The following AGTPBP1 variants were observed in gnomAD, a reference collection of about 807,000 sequenced individuals.
AGTPBP1 encodes ATP/GTP binding carboxypeptidase 1.
A neutral mutation model predicts 143.9 loss-of-function variants in AGTPBP1; 70 were observed. The observed-to-expected ratio is 0.49, with a 90% CI of 0.40 to 0.59. The LOEUF (loss-of-function observed/expected upper bound fraction) is 0.59. Ranked by LOEUF, AGTPBP1 falls within the 20% of genes least tolerant of loss-of-function variation. AGTPBP1 has a pLI of 0.00. For synonymous variants in AGTPBP1, 463 were observed against 500.2 expected (o/e 0.93, Z 0.99); for missense variants, 1,229 against 1,464.5 (o/e 0.84, Z 2.62).
the AGTPBP1 span, among the ~76,000 whole-genome samples, chr9:85,791,857 C>T: frequency 6.6e-6 from 1 of 151,344 alleles, no homozygotes; most frequent in South Asian, 2.1e-4. Flanking sequence ...CATCCTAGAT[C>T]GAATTTGAAT....
At chr9:85,683,254 T>C (rs574515377) in intron 3 of AGTPBP1, among the ~76,000 whole-genome samples, 2 of 152,328 alleles carry the variant, frequency 1.3e-5, no homozygotes, top group Non-Finnish European at 2.9e-5. Flanking sequence ...CTTCTGATAA[T>C]GCAACCTATC....
At chr9:85,729,116 G>A (rs547642424) in intron 1 of AGTPBP1, among the ~76,000 whole-genome samples, 123 of 152,234 alleles carry the variant, frequency 8.1e-4, no homozygotes, top group African/African-American at 2.7e-3. Flanking sequence ...ATGGCCAATC[G>A]ATTTTTGACA....
Position 85,547,075 on chromosome 9 carries a change from T to C in AGTPBP1, c.*34A>G. On this transcript the variant is annotated 3_prime_UTR_variant, in exon 26 of 26. Coordinates refer to ENST00000357081, the MANE Select transcript of AGTPBP1 (RefSeq NM_001330701.2). ...GAAATAAAAACCAAGATATTTCATT[T>C]ATTCTTTGCAGTTAACAAGAGATGG... is the stretch of plus-strand genomic sequence containing the variant. 6.5e-7 allele frequency: 1 copy of C among 1,537,626 alleles called. No homozygotes were observed. The highest frequency in any genetic ancestry group is 8.7e-7 in the Non-Finnish European group (1 of 1,144,772).
At chr9:85,712,072 T>C (rs1178418791) in intron 2 of AGTPBP1, among the ~76,000 whole-genome samples, 1 of 152,114 alleles carries the variant, frequency 6.6e-6, no homozygotes, top group African/African-American at 2.4e-5. Context: ...GAGACCAGCC[T>C]GGACAACATA....
intron 6 of AGTPBP1, among the ~76,000 whole-genome samples, chr9:85,675,136 T>C (rs1489546676): frequency 6.6e-6 from 1 of 152,122 alleles, no homozygotes; most frequent in Non-Finnish European, 1.5e-5. Flanking sequence ...GACCTCGTGA[T>C]CTGCCCACCT....
intron 9 of AGTPBP1, among the ~76,000 whole-genome samples, chr9:85,658,021 G>A (rs1833637163): frequency 6.6e-6 from 1 of 152,028 alleles, no homozygotes. Flanking sequence ...CTTGCTAGTT[G>A]TGAATGTGAT....
At chr9:85,772,338 C>G in the AGTPBP1 span, among the ~76,000 whole-genome samples, 1 of 152,058 alleles carries the variant, frequency 6.6e-6, no homozygotes, top group African/African-American at 2.4e-5. Context: ...CCTGGGAACC[C>G]TTGTATTAAT....
intron 18 of AGTPBP1, among the ~76,000 whole-genome samples, chr9:85,594,044 C>G (rs907349429): frequency 6.6e-6 from 1 of 152,118 alleles, no homozygotes; most frequent in African/African-American, 2.4e-5. Context: ...TACCCAATGA[C>G]AGAGTGCTAA....
At chr9:85,702,873 T>G (rs1248638504) in intron 2 of AGTPBP1, among the ~76,000 whole-genome samples, 1 of 152,178 alleles carries the variant, frequency 6.6e-6, no homozygotes, top group Non-Finnish European at 1.5e-5. Context: ...ACATAATTGT[T>G]GAATAGTCTG....
intron 22 of AGTPBP1, 148 bp downstream of exon 22, chr9:85,586,683 T>C (rs1397531510): frequency 2.0e-6 from 2 of 985,500 alleles, no homozygotes; most frequent in African/African-American, 1.6e-5. Flanking sequence ...AGAAGGCTTA[T>C]GAGAATTACA....
chr9:85,696,815 G>C (rs1324747434), intron 2 of AGTPBP1, among the ~76,000 whole-genome samples: 1 of 152,190 alleles, frequency 6.6e-6, no homozygotes, highest in Non-Finnish European at 1.5e-5. Flanking sequence ...ATGTAACAGA[G>C]TACAAAAGTT....
chr9:85,799,265 A>C, the AGTPBP1 span, among the ~76,000 whole-genome samples: 13 of 152,284 alleles, frequency 8.5e-5, no homozygotes, highest in African/African-American at 2.9e-4. Flanking sequence ...AGTCTTTGCT[A>C]TTGTGAATAG....
rs1156931410 is a variant in AGTPBP1, at chr9:85,689,898, C to CAAAAAAAA, written c.157+2783_157+2790dup. ...CAACAGAGTGAGAGAGACTCTGCCT[C>CAAAAAAAA]AAAAAAAAAAAAAAAAAAAAAAAAA... On this transcript the variant is annotated intron_variant, in intron 3 of 25. Coordinates refer to ENST00000357081, the MANE Select transcript of AGTPBP1 (RefSeq NM_001330701.2). Among the ~76,000 whole-genome samples, 10 of 28,344 alleles carry CAAAAAAAA rather than the reference C, an allele frequency of 3.5e-4. 1 individual carries two copies. Among genetic ancestry groups the CAAAAAAAA allele is most frequent in the Admixed American group, 6.5e-4 (1 of 1,538 alleles). 18.6% of individuals were successfully genotyped at this position (28,344 alleles called of 152,430 possible). A position where few individuals can be genotyped will look rare whatever the true frequency, so the allele number is the denominator to read the frequency against.
rs764447894 is a variant in AGTPBP1 at position 85,736,096 on chromosome 9, C to T, written c.-34+5679G>A. Among the ~76,000 whole-genome samples, 3 of 152,216 alleles carry T rather than the reference C, an allele frequency of 2.0e-5. No individual in the cohort carries two copies. In the South Asian group the frequency reaches 6.2e-4, roughly 32 times the overall value. On this transcript the variant is annotated intron_variant, in intron 1 of 25. Transcript: ENST00000357081. ...TGGAGCTTTTCACGTTGTGCCTTCA[C>T]TGTTTAATATTTACATTCCCAAAAT... is the stretch of plus-strand genomic sequence containing the variant.
At position 85,632,920 on chromosome 9, in the gene AGTPBP1, G is replaced by C; in HGVS notation, c.1757C>G (p.Thr586Arg). The change falls in exon 14 of 26, where the codon ACA becomes AGA. Residue 586 changes from threonine to arginine, a missense_variant. Physicochemically the swap from Thr to Arg is moderately conservative, Grantham distance 71. This residue lies in a region of AGTPBP1 where 743 missense variants were observed against 812.2 expected (regional missense o/e 0.91). Coordinates refer to ENST00000357081, the MANE Select transcript of AGTPBP1 (RefSeq NM_001330701.2). The part of the protein sequence containing the change: ...TCGNVLFEGR[T>R]VQLGKLCCTG... ...GCAGCAAAGCTTCCCTAGCTGAACT[G>C]TTCTTCCCTCAAACAGAACATTTCC... The C allele has an allele frequency of 6.2e-7, 1 of 1,614,110 alleles. No individual in the cohort carries two copies. The highest frequency in any genetic ancestry group is 8.5e-7 in the Non-Finnish European group (1 of 1,180,028).
In AGTPBP1 at chr9:85,579,040, G is replaced by C. The variant is rs756224476; in HGVS notation, c.3222C>G (p.Ser1074Arg). The change falls in exon 24 of 26, where the codon AGC becomes AGG. Residue 1074 changes from serine to arginine, a missense_variant. By Grantham distance (110) the Ser-to-Arg change is moderately radical (BLOSUM62 -1). This residue lies in a region of AGTPBP1 where 486 missense variants were observed against 652.3 expected (regional missense o/e 0.75). Transcript: ENST00000357081. ...IAPAFCMSSC[S>R]FVVEKSKEST... ...ATTCTTTAGATTTTTCCACTACGAA[G>C]CTACAGCTGCTCATGCAAAATGCTG... 5.0e-6 allele frequency: 8 copies of C among 1,610,952 alleles called. No homozygotes were observed. In the Admixed American group the frequency reaches 1.2e-4, roughly 24 times the overall value.
intron 24 of AGTPBP1, among the ~76,000 whole-genome samples, chr9:85,578,563 T>A (rs1237048851): frequency 6.6e-6 from 1 of 152,130 alleles, no homozygotes; most frequent in Non-Finnish European, 1.5e-5. Context: ...TGTAAAAAAA[T>A]TTATATCCAA....
At chr9:85,564,144 C>T (rs1399238642) in intron 25 of AGTPBP1, among the ~76,000 whole-genome samples, 1 of 152,226 alleles carries the variant, frequency 6.6e-6, no homozygotes, top group Non-Finnish European at 1.5e-5. Context: ...TGCCTGGAGG[C>T]TTAGGGATCC....
chr9:85,801,687 G>A, the AGTPBP1 span, among the ~76,000 whole-genome samples: 1 of 152,166 alleles, frequency 6.6e-6, no homozygotes, highest in East Asian at 1.9e-4. Context: ...AGGTCAGAGA[G>A]AAGCAATTAG....
Sources: gnomAD v4.1 joint callset for allele counts (sites outside exome capture counted in the v4.1 genomes callset) on GRCh38, gnomAD v4.1.1 for gene constraint, gnomAD v4.1.1 regional missense constraint, MANE v1.5 for transcripts, NCBI Gene and HGNC (gene_info 2026-07-23, HGNC 2026-07-21) for gene names.